The following FSIP1 variants were observed in gnomAD, a reference collection of about 807,000 sequenced individuals.
The protein encoded by FSIP1 is fibrous sheath interacting protein 1, also known as fibrous sheath-interacting protein 1.
In FSIP1, 65 loss-of-function variants were observed where a neutral mutation model predicts 60.9. The ratio of observed to expected loss-of-function variants is 1.07; its 90% CI spans 0.87 to 1.31. FSIP1 has a LOEUF of 1.31. FSIP1 is among the 40% of genes most tolerant of loss of function. The probability of loss-of-function intolerance (pLI) is 0.00; values close to 1 mark genes in which losing one functional copy is unlikely to be tolerated. For missense variants in FSIP1, 675 were observed against 665.5 expected, an observed-to-expected ratio of 1.01 and a Z score of -0.16; for synonymous variants, 209 against 221.2, an observed-to-expected ratio of 0.94 and a Z score of 0.49.
At chr15:39,602,627 T>A (rs1177504333) in intron 11 of FSIP1, among the ~76,000 whole-genome samples, 1 of 152,212 alleles carries the variant, frequency 6.6e-6, no homozygotes, top group African/African-American at 2.4e-5. Flanking sequence ...GCAGGTGGGA[T>A]GAATGAAAAG....
chr15:39,776,520 T>C lies in FSIP1; in HGVS notation c.5A>G (p.Asp2Gly), dbSNP rs200584934. M[D>G]IIKGNLDGIS... ...TCCATCTAGGTTTCCCTTTATAATA[T>C]CCATTGAAATCCTGAAACAACAAAT... The change falls in exon 2 of 12, where the codon GAT becomes GGT. Residue 2 changes from aspartate (D) to glycine (G), a missense_variant. Transcript: ENST00000350221. 211 of 1,585,554 alleles carry C rather than the reference T, an allele frequency of 1.3e-4. No individual in the cohort carries two copies. The highest frequency in any genetic ancestry group is 4.3e-6 in the Non-Finnish European group (5 of 1,162,832).
At chr15:39,602,950 T>C (rs1224513129) in intron 11 of FSIP1, among the ~76,000 whole-genome samples, 2 of 152,150 alleles carry the variant, frequency 1.3e-5, no homozygotes, top group Admixed American at 6.5e-5. Flanking sequence ...AGAACAACGG[T>C]CCTCAACTGG....
At chr15:39,768,584 A>T (rs1007472003) in intron 3 of FSIP1, among the ~76,000 whole-genome samples, 11 of 152,220 alleles carry the variant, frequency 7.2e-5, no homozygotes, top group African/African-American at 2.7e-4. Flanking sequence ...AGACAGGTGG[A>T]TTCTCATATT....
At chr15:39,765,944 A>T (rs964842710) in intron 3 of FSIP1, among the ~76,000 whole-genome samples, 198 bp from the exon 4 acceptor site, 1 of 152,230 alleles carries the variant, frequency 6.6e-6, no homozygotes, top group Non-Finnish European at 1.5e-5. Flanking sequence ...ACCCTATGAA[A>T]CAGACATTTA....
At chr15:39,703,733 T>G (rs926716065) in intron 10 of FSIP1, among the ~76,000 whole-genome samples, 12 of 152,054 alleles carry the variant, frequency 7.9e-5, no homozygotes, top group Admixed American at 2.6e-4. Context: ...ATCCCAGAAC[T>G]TAAAGTAAAA....
intron 1 of FSIP1, among the ~76,000 whole-genome samples, chr15:39,778,608 G>T (rs1182906593): frequency 6.6e-6 from 1 of 152,128 alleles, no homozygotes; most frequent in Non-Finnish European, 1.5e-5. Flanking sequence ...ATAAAGCATT[G>T]TACAAGAAAA....
At position 39,782,384 on chromosome 15, in the gene FSIP1, G is replaced by C. The variant is rs1318048182; in HGVS notation, c.-8+244C>G. Among the ~76,000 whole-genome samples the C allele has an allele frequency of 2.0e-5, 3 of 152,142 alleles. No homozygotes were observed. The South Asian group carries it at 6.2e-4, about 31-fold the overall frequency. On this transcript the variant is annotated intron_variant, in intron 1 of 11. Transcript: ENST00000350221. ...ATCTTGGTGGGAAGATCCAAATCTC[G>C]GGAAAGTAGAAGCCTTGGTTACAGG...
intron 8 of FSIP1, among the ~76,000 whole-genome samples, chr15:39,734,344 TC>T (rs1306772589): frequency 1.3e-5 from 2 of 152,224 alleles, no homozygotes; most frequent in Non-Finnish European, 2.9e-5. Context: ...AATAAATAAT[TC>T]GTTGAGTCCA....
At chr15:39,676,673 T>C (rs1893956447) in intron 10 of FSIP1, among the ~76,000 whole-genome samples, 1 of 152,232 alleles carries the variant, frequency 6.6e-6, no homozygotes, top group Admixed American at 6.5e-5. Flanking sequence ...GCCAGATATT[T>C]AGTATAGTAG....
rs527620580 is a variant in FSIP1 at position 39,628,405 on chromosome 15, G to T, written c.1189-10160C>A. Reference sequence around the variant, plus strand: ...ATGCATGTCCACTGCGAAGACGTAGGAGGCCTGCTTTCATTCTGGATGGGC... The same window carrying T: ...ATGCATGTCCACTGCGAAGACGTAGTAGGCCTGCTTTCATTCTGGATGGGC... On this transcript the variant is annotated intron_variant, in intron 10 of 11. Transcript: ENST00000350221. 3.9e-5 allele frequency among the ~76,000 whole-genome samples: 6 copies of T among 152,336 alleles called. No individual in the cohort carries two copies. The South Asian group carries it at 1.2e-3, about 32-fold the overall frequency.
intron 10 of FSIP1, among the ~76,000 whole-genome samples, chr15:39,627,097 A>T (rs1471318897): frequency 6.6e-6 from 1 of 152,214 alleles, no homozygotes; most frequent in Non-Finnish European, 1.5e-5. Context: ...TTACATGCCC[A>T]AGAAGTTTCC....
At chr15:39,777,720 C>T (rs1252146498) in intron 1 of FSIP1, among the ~76,000 whole-genome samples, 1 of 152,234 alleles carries the variant, frequency 6.6e-6, no homozygotes, top group African/African-American at 2.4e-5. Flanking sequence ...CTTTTGCCCT[C>T]TCATACTCGG....
intron 2 of FSIP1, among the ~76,000 whole-genome samples, chr15:39,775,008 T>C (rs1446460981): frequency 6.6e-6 from 1 of 152,122 alleles, no homozygotes; most frequent in African/African-American, 2.4e-5. Flanking sequence ...AACTAAACTC[T>C]TTTTTGCAGT....
In FSIP1 at chr15:39,741,790, C is replaced by T. The variant is rs1896809753; in HGVS notation, c.655+15G>A. 4 of 1,336,926 alleles carry T rather than the reference C, an allele frequency of 3.0e-6. No individual in the cohort carries two copies. The highest frequency in any genetic ancestry group is 4.3e-6 in the Non-Finnish European group (4 of 931,248). 82.8% of individuals were successfully genotyped at this position (1,336,926 alleles called of 1,614,324 possible). On this transcript the variant is annotated intron_variant, in intron 6 of 11. Coordinates refer to ENST00000350221, the MANE Select transcript of FSIP1 (RefSeq NM_152597.5). Reference sequence around the variant, plus strand: ...CCTTGTGAAAATGTGTATAATCACACAAATTTAAATATACCTTTATTGAGT... The same window carrying T: ...CCTTGTGAAAATGTGTATAATCACATAAATTTAAATATACCTTTATTGAGT...
intron 10 of FSIP1, among the ~76,000 whole-genome samples, chr15:39,660,314 A>G (rs548877065): frequency 6.6e-6 from 1 of 152,350 alleles, no homozygotes; most frequent in South Asian, 2.1e-4. Context: ...AGAAGCACTC[A>G]GTAAATGCAG....
chr15:39,645,342 G>A (rs1892548431), intron 10 of FSIP1, among the ~76,000 whole-genome samples: 1 of 152,184 alleles, frequency 6.6e-6, no homozygotes, highest in African/African-American at 2.4e-5. Context: ...TGGGAGCCCT[G>A]CCTCTTCTGA....
At chr15:39,695,465 T>C (rs879739532) in intron 10 of FSIP1, among the ~76,000 whole-genome samples, 2 of 152,244 alleles carry the variant, frequency 1.3e-5, no homozygotes, top group Admixed American at 1.3e-4. Context: ...ATTGTTTATA[T>C]ACTCCCATGA....
At chr15:39,664,165 T>C (rs778393809) in intron 10 of FSIP1, among the ~76,000 whole-genome samples, 20 of 152,292 alleles carry the variant, frequency 1.3e-4, no homozygotes, top group African/African-American at 4.6e-4. Flanking sequence ...ACTAAAAATA[T>C]TCTGCAATAG....
chr15:39,652,113 C>T (rs890342839), intron 10 of FSIP1, among the ~76,000 whole-genome samples: 1 of 152,170 alleles, frequency 6.6e-6, no homozygotes, highest in Non-Finnish European at 1.5e-5. Flanking sequence ...GGTTGAGAAA[C>T]TATTAGAATA....
Sources: gnomAD v4.1 joint callset for allele counts (sites outside exome capture counted in the v4.1 genomes callset) on GRCh38, gnomAD v4.1.1 for gene constraint, MANE v1.5 for transcripts, NCBI Gene and HGNC (gene_info 2026-07-23, HGNC 2026-07-21) for gene names.